The following ATP7B variants were observed in gnomAD, a reference collection of about 807,000 sequenced individuals.
The protein encoded by ATP7B is copper-transporting ATPase 2.
ATP7B carries 113 observed loss-of-function variants against 118.9 expected under a neutral mutation model. The ratio of observed to expected loss-of-function variants is 0.95; its 90% CI spans 0.82 to 1.11. The LOEUF (loss-of-function observed/expected upper bound fraction) is 1.11. ATP7B is among the 50% of genes most tolerant of loss of function. ATP7B has a pLI of 0.00. For missense variants in ATP7B, 1,867 were observed against 1,871.4 expected (o/e 1.00, Z 0.04); for synonymous variants, 777 against 727.4 (o/e 1.07, Z -1.10).
rs786204578 is a variant in ATP7B, at chr13:51,935,666, G to A, written c.4051C>T (p.Gln1351Ter). The stretch of plus-strand genomic sequence containing the variant: ...ATGGCCGCTGAGCCCATCCAGGGCT[G>A]CAGCACAATGCCGATGGGCATGAAG... Reference protein sequence around the residue: ...GVFMPIGIVLQPWMGSAAMAA... With the variant: ...GVFMPIGIVL The change falls in exon 20 of 21, where the codon CAG becomes TAG. Residue 1351 changes from glutamine (Q) to a stop codon, truncating the protein, a stop_gained. Coordinates refer to ENST00000242839, the MANE Select transcript of ATP7B (RefSeq NM_000053.4). LOFTEE classifies it high-confidence loss of function. 8 of 1,613,498 alleles carry A rather than the reference G, an allele frequency of 5.0e-6. No homozygotes were observed. Among genetic ancestry groups the A allele is most frequent in the Non-Finnish European group, 6.8e-6 (8 of 1,179,830 alleles).
At chr13:51,965,704 T>C (rs1037095346) in intron 4 of ATP7B, among the ~76,000 whole-genome samples, 1 of 152,156 alleles carries the variant, frequency 6.6e-6, no homozygotes, top group African/African-American at 2.4e-5. Flanking sequence ...GCCAGGCTTC[T>C]CTGGACACAG....
In ATP7B at chr13:51,945,891, C is replaced by T. The variant is rs146923663; in HGVS notation, c.3060+393G>A. 1.6e-4 allele frequency among the ~76,000 whole-genome samples: 25 copies of T among 152,328 alleles called. 1 individual carries two copies. The highest frequency in any genetic ancestry group is 5.9e-5 in the Non-Finnish European group (4 of 68,034). On this transcript the variant is annotated intron_variant, in intron 13 of 20. Transcript: ENST00000242839. ...CTCCCCAGGGTCACAGGACCCACCACTAATCCCACAGATGTCACGGTGGGG... is the reference window on the plus strand; with the variant it reads ...CTCCCCAGGGTCACAGGACCCACCATTAATCCCACAGATGTCACGGTGGGG...
chr13:51,945,629 T>C (rs945077363), intron 13 of ATP7B, among the ~76,000 whole-genome samples: 1 of 152,184 alleles, frequency 6.6e-6, no homozygotes, highest in Non-Finnish European at 1.5e-5. Flanking sequence ...CACCAGTCAA[T>C]ACTCAGTATC....
chr13:51,957,923 CTTGTAAGATACA>C (rs1327357605), intron 8 of ATP7B: 2 of 461,924 alleles, frequency 4.3e-6, no homozygotes, highest in Non-Finnish European at 8.0e-6. Flanking sequence ...GTTCCATTCT[CTTGTAAGATACA>C]TTTCAGTGTT....
chr13:51,969,633 T>C (rs1269555488), intron 3 of ATP7B, among the ~76,000 whole-genome samples: 2 of 152,146 alleles, frequency 1.3e-5, no homozygotes, highest in Non-Finnish European at 2.9e-5. Context: ...AGGAAGGAAG[T>C]GCTTCAGAAA....
intron 16 of ATP7B, 90 bp downstream of exon 16, chr13:51,940,991 T>C (rs1957296085): frequency 1.9e-6 from 3 of 1,574,226 alleles, no homozygotes; most frequent in African/African-American, 1.4e-5. Flanking sequence ...GTTTGTCTTC[T>C]TTTCTTTTAT....
At chr13:51,986,991 C>T (rs1279864685) in intron 1 of ATP7B, among the ~76,000 whole-genome samples, 1 of 152,172 alleles carries the variant, frequency 6.6e-6, no homozygotes, top group African/African-American at 2.4e-5. Context: ...TGGAAGCACT[C>T]CTTTTGAAAA....
chr13:51,937,640 G>C lies in ATP7B; in HGVS notation c.3739C>G (p.His1247Asp). 1 of 1,614,246 alleles carries C rather than the reference G, an allele frequency of 6.2e-7. No homozygotes were observed. The part of the protein sequence containing the change: ...NKVFAEVLPS[H>D]KVAKVQELQN... ...AGCTCCTGGACCTTGGCCACCTTGT[G>C]CGAAGGCAGCACCTCTGCAAAGACT... The change falls in exon 18 of 21, where the codon CAC (histidine) becomes GAC (aspartate). Residue 1247 changes from histidine (H) to aspartate (D), a missense_variant. Transcript: ENST00000242839.
At chr13:51,946,803 A>G (rs1957694436) in intron 12 of ATP7B, among the ~76,000 whole-genome samples, 1 of 152,224 alleles carries the variant, frequency 6.6e-6, no homozygotes, top group African/African-American at 2.4e-5. Context: ...CACAAAATGG[A>G]GATGATAATG....
At chr13:51,962,005 T>G in intron 5 of ATP7B, 92 bp from the exon 6 acceptor site, 3 of 1,116,122 alleles carry the variant, frequency 2.7e-6, no homozygotes, top group Non-Finnish European at 4.0e-6. Flanking sequence ...CTTTGGAAAT[T>G]AGAAAGTGAA....
chr13:51,950,849 G>C (rs1290313905), intron 9 of ATP7B, among the ~76,000 whole-genome samples: 1 of 152,056 alleles, frequency 6.6e-6, no homozygotes, highest in African/African-American at 2.4e-5. Context: ...AGTTCACGGA[G>C]AGAAAACAAC....
intron 1 of ATP7B, among the ~76,000 whole-genome samples, chr13:51,993,778 G>C (rs1302283398): frequency 1.3e-5 from 2 of 152,152 alleles, no homozygotes; most frequent in Non-Finnish European, 2.9e-5. Flanking sequence ...ACAATCATAT[G>C]AGGCAGGATT....
chr13:51,971,379 C>G (rs1056518192), intron 2 of ATP7B, among the ~76,000 whole-genome samples: 38 of 152,108 alleles, frequency 2.5e-4, no homozygotes, highest in Admixed American at 2.5e-3. Flanking sequence ...TTTTTATTTG[C>G]TAAGTCTGAT....
chr13:51,943,491 C>T (rs1275200132), intron 14 of ATP7B, among the ~76,000 whole-genome samples: 2 of 152,208 alleles, frequency 1.3e-5, no homozygotes, highest in African/African-American at 4.8e-5. Flanking sequence ...ACATTTACTG[C>T]TAACAGTATT....
At chr13:51,940,944 T>C in intron 16 of ATP7B, 137 bp downstream of exon 16, 2 of 1,328,788 alleles carry the variant, frequency 1.5e-6, no homozygotes, top group South Asian at 2.5e-5. Context: ...GACAATCTTC[T>C]GGAAAACAGG....
intron 1 of ATP7B, among the ~76,000 whole-genome samples, chr13:52,006,258 C>T (rs1310533609): frequency 6.6e-6 from 1 of 152,182 alleles, no homozygotes; most frequent in African/African-American, 2.4e-5. Context: ...CATCAGTGAG[C>T]AGTGTTCATG....
chr13:51,934,426 C>T lies in ATP7B; in HGVS notation c.*330G>A, dbSNP rs1040118894. 6.6e-5 allele frequency: 26 copies of T among 395,846 alleles called. No homozygotes were observed. The highest frequency in any genetic ancestry group is 4.7e-4 in the African/African-American group (23 of 48,798). The allele number at this position is 395,846 out of a possible 1,614,324, so 24.5% of individuals were successfully genotyped here. On this transcript the variant is annotated 3_prime_UTR_variant, in exon 21 of 21. Transcript: ENST00000242839. ...CCTGATGAAACTGTTCTCCATTTCACAGCAGTCATCCTAAATACTCCAAGC... is the reference window on the plus strand; with the variant it reads ...CCTGATGAAACTGTTCTCCATTTCATAGCAGTCATCCTAAATACTCCAAGC...
chr13:51,944,726 G>C (rs1467334977), intron 13 of ATP7B, among the ~76,000 whole-genome samples: 3 of 152,176 alleles, frequency 2.0e-5, no homozygotes, highest in Non-Finnish European at 4.4e-5. Context: ...ACTGGGAATA[G>C]AGTCCTCACA....
chr13:51,940,512 G>T (rs1319731550), intron 16 of ATP7B, among the ~76,000 whole-genome samples: 2 of 151,804 alleles, frequency 1.3e-5, no homozygotes, highest in Non-Finnish European at 2.9e-5. Context: ...GGGCGTGGTG[G>T]CGGGGGCCTG....
Sources: allele counts gnomAD v4.1 joint callset (sites outside exome capture counted in the v4.1 genomes callset), GRCh38; gene constraint gnomAD v4.1.1; transcripts MANE v1.5; gene names NCBI Gene and HGNC (gene_info 2026-07-23, HGNC 2026-07-21).